MYOF: variants seen among roughly 807,000 people sequenced by gnomAD.
MYOF encodes fer-1-like 3, myoferlin.
Under a neutral mutation model 284.2 loss-of-function variants are expected in MYOF, and 244 were observed. The observed-to-expected ratio is 0.86, with a 90% CI of 0.77 to 0.95. The LOEUF is 0.95. Among genes scored for constraint, MYOF ranks in the 40% least tolerant of loss-of-function variants. The pLI is 0.00. For synonymous variants in MYOF, 904 were observed against 919.7 expected (o/e 0.98, Z 0.31); for missense variants, 2,496 against 2,560.6 (o/e 0.97, Z 0.54).
intron 5 of MYOF, among the ~76,000 whole-genome samples, chr10:93,412,946 G>A (rs1433968114): frequency 6.6e-6 from 1 of 152,134 alleles, no homozygotes; most frequent in African/African-American, 2.4e-5. Context: ...AATGGCTGGG[G>A]CTGACAGCTG....
chr10:93,348,783 A>C (rs1337322752), intron 36 of MYOF, among the ~76,000 whole-genome samples: 2 of 152,038 alleles, frequency 1.3e-5, no homozygotes, highest in Non-Finnish European at 2.9e-5. Context: ...GCTTTTCCCC[A>C]AGGTGGGCAT....
chr10:93,338,386 A>C (rs1181930577), intron 39 of MYOF: 1 of 456,676 alleles, frequency 2.2e-6, no homozygotes, highest in Non-Finnish European at 4.4e-6. Flanking sequence ...TCCTTCCTTT[A>C]TGTTATAAGC....
chr10:93,386,778 T>C (rs991852688), intron 19 of MYOF, among the ~76,000 whole-genome samples: 5 of 152,144 alleles, frequency 3.3e-5, no homozygotes, highest in Admixed American at 3.3e-4. Context: ...TGTTAAAGGG[T>C]GTGGCTATTC....
At chr10:93,432,327 G>A (rs997922575) in intron 3 of MYOF, among the ~76,000 whole-genome samples, 5 of 152,026 alleles carry the variant, frequency 3.3e-5, no homozygotes, top group Admixed American at 1.3e-4. Flanking sequence ...GGTTGAGCTT[G>A]CAGTGAGCTA....
At chr10:93,376,833 G>C (rs1366559000) in intron 22 of MYOF, among the ~76,000 whole-genome samples, 2 of 152,172 alleles carry the variant, frequency 1.3e-5, no homozygotes, top group Non-Finnish European at 2.9e-5. Flanking sequence ...CAGAGGCTTG[G>C]CCACAGTGTT....
At position 93,431,539 on chromosome 10, in the gene MYOF, C is replaced by T. The variant is rs1267049058; in HGVS notation, c.237-23G>A. On this transcript the variant is annotated intron_variant, in intron 3 of 53. Coordinates refer to ENST00000359263, the MANE Select transcript of MYOF (RefSeq NM_013451.4). ...AATCTGCAGGGAAAACAGGAAAGCACATAGCAGCCTAAGTAGGAGATAGGC... is the reference window on the plus strand; with the variant it reads ...AATCTGCAGGGAAAACAGGAAAGCATATAGCAGCCTAAGTAGGAGATAGGC... 4.4e-6 allele frequency: 7 copies of T among 1,592,404 alleles called. No homozygotes were observed. In the African/African-American group the frequency reaches 8.1e-5, roughly 18 times the overall value.
chr10:93,455,056 G>A (rs1334009934), intron 2 of MYOF, among the ~76,000 whole-genome samples: 4 of 149,218 alleles, frequency 2.7e-5, no homozygotes, highest in African/African-American at 9.9e-5. Flanking sequence ...AGGACTTTGG[G>A]TGCTGGGTGG....
At chr10:93,421,001 T>A (rs1424205961) in intron 5 of MYOF, among the ~76,000 whole-genome samples, 1 of 152,112 alleles carries the variant, frequency 6.6e-6, no homozygotes, top group Non-Finnish European at 1.5e-5. Flanking sequence ...GTGGATCACT[T>A]GAGGTCAGGA....
chr10:93,452,832 A>G (rs1456051953), intron 2 of MYOF, among the ~76,000 whole-genome samples: 2 of 152,200 alleles, frequency 1.3e-5, no homozygotes, highest in African/African-American at 4.8e-5. Context: ...GAAGATGAAT[A>G]ATCTAAGAAA....
At chr10:93,363,839 T>A in intron 27 of MYOF, 122 bp downstream of exon 27, 1 of 710,722 alleles carries the variant, frequency 1.4e-6, no homozygotes, top group Admixed American at 2.9e-5. Context: ...AGTGGAAGAC[T>A]CTTCAGAACA....
At chr10:93,316,089 C>T (rs1262074513) in intron 50 of MYOF, among the ~76,000 whole-genome samples, 2 of 152,032 alleles carry the variant, frequency 1.3e-5, no homozygotes, top group Non-Finnish European at 1.5e-5. Flanking sequence ...CGTGCCACTG[C>T]ACTCCAGCCT....
intron 3 of MYOF, among the ~76,000 whole-genome samples, chr10:93,435,091 A>C (rs1340166149): frequency 1.3e-5 from 2 of 152,252 alleles, no homozygotes; most frequent in African/African-American, 4.8e-5. Flanking sequence ...ATGCGATGAA[A>C]GATGTGGAAA....
At chr10:93,408,105 C>T (rs1847701491) in intron 7 of MYOF, among the ~76,000 whole-genome samples, 1 of 152,072 alleles carries the variant, frequency 6.6e-6, no homozygotes, top group African/African-American at 2.4e-5. Flanking sequence ...AAAATCTGGG[C>T]TCAAGCACTC....
intron 5 of MYOF, 119 bp from the exon 6 acceptor site, chr10:93,409,858 A>ATAC: frequency 2.4e-6 from 3 of 1,240,978 alleles, no homozygotes; most frequent in Admixed American, 4.5e-5. Context: ...CTAAAGTGGC[A>ATAC]GGTGAAGGAG....
intron 1 of MYOF, among the ~76,000 whole-genome samples, chr10:93,459,844 G>A (rs1210335517): frequency 6.6e-6 from 1 of 152,158 alleles, no homozygotes; most frequent in Non-Finnish European, 1.5e-5. Flanking sequence ...AGGAATCCCA[G>A]CATTCAACAA....
intron 40 of MYOF, among the ~76,000 whole-genome samples, chr10:93,336,555 G>A (rs898141337): frequency 3.9e-5 from 6 of 152,170 alleles, no homozygotes; most frequent in Admixed American, 2.6e-4. Flanking sequence ...AATCCAATCA[G>A]TTGCTCCTAG....
In MYOF at chr10:93,313,150, C is replaced by G; in HGVS notation, c.5759G>C (p.Arg1920Thr). The part of the protein sequence containing the change: ...IIPAKSPEKC[R>T]LDMIPDLKAM... ...TTTGAGGTCCGGAATCATGTCCAAT[C>G]TGCATTTCTCTGGTGATTTTGCAGG... Residue 1920 changes from arginine to threonine, a missense_variant, in exon 51 of 54, where the codon AGA (arginine) becomes ACA (threonine). Arg to Thr is a moderately conservative substitution (Grantham distance 71). Around this residue, in one of 3 missense-constraint regions of MYOF, gnomAD observed 2,436 missense variants for 2,480.7 expected, o/e 0.98. Coordinates refer to ENST00000359263, the MANE Select transcript of MYOF (RefSeq NM_013451.4). 6.2e-7 allele frequency: 1 copy of G among 1,614,094 alleles called. No homozygotes were observed. Among genetic ancestry groups the G allele is most frequent in the Non-Finnish European group, 8.5e-7 (1 of 1,179,990 alleles).
chr10:93,438,940 C>CT (rs1335151018), intron 3 of MYOF, among the ~76,000 whole-genome samples: 1 of 152,124 alleles, frequency 6.6e-6, no homozygotes, highest in Admixed American at 6.5e-5. Flanking sequence ...TCTTTTCCTG[C>CT]TCATCGAAAG....
rs367559861 is a variant in MYOF, at chr10:93,320,007, A to G, written c.5463T>C (p.Ile1821=). 268 of 1,614,192 alleles carry G rather than the reference A, an allele frequency of 1.7e-4. No individual in the cohort carries two copies. The highest frequency in any genetic ancestry group is 3.3e-4 in the Middle Eastern group (2 of 6,062). ...EMSDIYVKGW[I]PGNEENKQKT... The stretch of plus-strand genomic sequence containing the variant: ...TCTGTTTGTTTTCTTCATTGCCAGG[A>G]ATCCAGCTGAAAGGCAGAGGCAAAC... The change falls in exon 49 of 54, where the codon ATT becomes ATC. Residue 1821 remains isoleucine (I), a synonymous_variant. Coordinates refer to ENST00000359263, the MANE Select transcript of MYOF (RefSeq NM_013451.4).
Sources: allele counts gnomAD v4.1 joint callset (sites outside exome capture counted in the v4.1 genomes callset), GRCh38; gene constraint gnomAD v4.1.1; regional missense constraint gnomAD v4.1.1; transcripts MANE v1.5; gene names NCBI Gene and HGNC (gene_info 2026-07-23, HGNC 2026-07-21).